The following MAD1L1 variants were observed in gnomAD, a reference collection of about 807,000 sequenced individuals.
The protein encoded by MAD1L1 is mitotic arrest deficient 1 like 1.
MAD1L1 carries 95 observed loss-of-function variants against 96.9 expected under a neutral mutation model. The ratio of observed to expected loss-of-function variants is 0.98; its 90% CI spans 0.83 to 1.16. The LOEUF (loss-of-function observed/expected upper bound fraction) is 1.16. MAD1L1 is among the 50% of genes most tolerant of loss of function. The pLI is 0.00. For synonymous variants in MAD1L1, 473 were observed against 396.6 expected (o/e 1.19, Z -2.29); for missense variants, 1,007 against 954.4 (o/e 1.06, Z -0.73).
rs1051704677 is a variant in MAD1L1 at position 1,968,900 on chromosome 7, G to A, written c.1506-11181C>T. Among the ~76,000 whole-genome samples, 3 of 152,238 alleles carry A rather than the reference G, an allele frequency of 2.0e-5. No homozygotes were observed. Among genetic ancestry groups the A allele is most frequent in the African/African-American group, 7.2e-5 (3 of 41,452 alleles). The stretch of plus-strand genomic sequence containing the variant: ...CACGGTGCCCTGGCTGCAACATGCA[G>A]GAAAGCCTGGTGGATCCAAACAAGG... On this transcript the variant is annotated intron_variant, in intron 15 of 18. Transcript: ENST00000265854. This position sits in a 1 kb window ranked among gnomAD's most constrained non-coding sequence, Gnocchi z 5.6.
chr7:1,818,299 T>G (rs1219818994), intron 18 of MAD1L1, among the ~76,000 whole-genome samples: 1 of 152,140 alleles, frequency 6.6e-6, no homozygotes, highest in African/African-American at 2.4e-5. Flanking sequence ...CTGGCCAGGC[T>G]GGACCAGAGA....
chr7:2,152,879 C>A (rs1382237983), intron 10 of MAD1L1, among the ~76,000 whole-genome samples: 2 of 152,166 alleles, frequency 1.3e-5, no homozygotes, highest in Non-Finnish European at 2.9e-5. Context: ...AGAGGACATG[C>A]ACCGTGGAGG....
At chr7:1,979,641 T>C (rs1299218173) in intron 15 of MAD1L1, among the ~76,000 whole-genome samples, 1 of 152,188 alleles carries the variant, frequency 6.6e-6, no homozygotes, top group South Asian at 2.1e-4. Context: ...CTGCAGACCC[T>C]GCTCTAGGGG....
chr7:1,974,601 G>A (rs1286179927), intron 15 of MAD1L1, among the ~76,000 whole-genome samples: 2 of 152,136 alleles, frequency 1.3e-5, no homozygotes, highest in African/African-American at 2.4e-5. Flanking sequence ...AATACAGAAG[G>A]TAGGACAAAA....
chr7:1,908,010 C>A (rs961129333), intron 17 of MAD1L1, among the ~76,000 whole-genome samples: 2 of 152,244 alleles, frequency 1.3e-5, no homozygotes, highest in South Asian at 2.1e-4. Flanking sequence ...GCCAGGGCCA[C>A]CCTGCAAGGG....
intron 15 of MAD1L1, among the ~76,000 whole-genome samples, chr7:1,974,797 A>G (rs1231923356): frequency 2.6e-5 from 4 of 152,392 alleles, no homozygotes; most frequent in African/African-American, 9.6e-5. Flanking sequence ...GGAGTGCCCA[A>G]TGCAGCGCAC....
At chr7:2,154,194 C>T (rs551231924) in intron 10 of MAD1L1, among the ~76,000 whole-genome samples, 4 of 152,220 alleles carry the variant, frequency 2.6e-5, no homozygotes, top group South Asian at 2.1e-4. Context: ...TTTGTAACAA[C>T]GTGGCTGGAA....
intron 11 of MAD1L1, among the ~76,000 whole-genome samples, chr7:2,129,591 A>T (rs1042082605): frequency 6.6e-6 from 1 of 152,224 alleles, no homozygotes; most frequent in African/African-American, 2.4e-5. Context: ...AGGAGAGAGC[A>T]CACACACGAT....
At chr7:2,176,637 C>G (rs1377115651) in intron 10 of MAD1L1, among the ~76,000 whole-genome samples, 2 of 151,958 alleles carry the variant, frequency 1.3e-5, no homozygotes, top group Non-Finnish European at 2.9e-5. Context: ...AGGACACTGT[C>G]AAAACACTAA....
At chr7:2,130,508 T>C (rs901605457) in intron 11 of MAD1L1, among the ~76,000 whole-genome samples, 2 of 152,138 alleles carry the variant, frequency 1.3e-5, no homozygotes, top group African/African-American at 2.4e-5. Context: ...CACATAGTCT[T>C]GGGCCTCTCT....
At chr7:2,060,920 A>G (rs1360007659) in intron 12 of MAD1L1, among the ~76,000 whole-genome samples, 1 of 152,270 alleles carries the variant, frequency 6.6e-6, no homozygotes, top group African/African-American at 2.4e-5. Flanking sequence ...GAACATCAAC[A>G]GAGAAATTCC....
intron 17 of MAD1L1, among the ~76,000 whole-genome samples, chr7:1,914,636 C>T (rs1350062372): frequency 6.6e-6 from 1 of 152,114 alleles, no homozygotes; most frequent in Non-Finnish European, 1.5e-5. Context: ...TTTTTTGAGA[C>T]GAGGTCTCAC....
At chr7:1,985,838 A>T (rs1028649803) in intron 14 of MAD1L1, among the ~76,000 whole-genome samples, 1 of 150,712 alleles carries the variant, frequency 6.6e-6, no homozygotes, top group African/African-American at 2.5e-5. Flanking sequence ...GTCCTGTCTC[A>T]TGCAACCCCC....
chr7:1,834,235 C>T (rs1353704892), intron 18 of MAD1L1, among the ~76,000 whole-genome samples: 1 of 151,952 alleles, frequency 6.6e-6, no homozygotes, highest in Admixed American at 6.6e-5. Context: ...AAGAAGGTCT[C>T]AAATCAGAGA....
intron 18 of MAD1L1, among the ~76,000 whole-genome samples, chr7:1,837,882 C>T (rs918307392): frequency 1.3e-5 from 2 of 152,218 alleles, no homozygotes; most frequent in African/African-American, 4.8e-5. Context: ...CAGATGGTAG[C>T]TCATCAATAA....
intron 18 of MAD1L1, among the ~76,000 whole-genome samples, chr7:1,871,510 G>GCC (rs1785096721): frequency 2.4e-5 from 1 of 41,548 alleles, no homozygotes; most frequent in African/African-American, 9.9e-5. Flanking sequence ...ACGCTGAACT[G>GCC]ACCATAACAC....
chr7:2,089,899 G>A (rs1025931613), intron 11 of MAD1L1, among the ~76,000 whole-genome samples: 2 of 152,222 alleles, frequency 1.3e-5, no homozygotes, highest in Non-Finnish European at 2.9e-5. Flanking sequence ...GATCAGAGTG[G>A]GCTGAAGGGC....
intron 14 of MAD1L1, among the ~76,000 whole-genome samples, chr7:1,983,301 T>A (rs960014920): frequency 1.3e-4 from 20 of 152,350 alleles, no homozygotes; most frequent in African/African-American, 3.8e-4. Context: ...ATCTGCGCTT[T>A]GAAGATCTGG....
chr7:1,836,882 G>A (rs1202731502), intron 18 of MAD1L1, among the ~76,000 whole-genome samples: 3 of 152,128 alleles, frequency 2.0e-5, no homozygotes, highest in Non-Finnish European at 4.4e-5. Context: ...AAAAAATGGA[G>A]GCAGTCTTTG....
Sources: gnomAD v4.1 joint callset for allele counts (sites outside exome capture counted in the v4.1 genomes callset) on GRCh38, gnomAD v4.1.1 for gene constraint, Gnocchi (gnomAD v3.1) non-coding constraint, MANE v1.5 for transcripts, NCBI Gene and HGNC (gene_info 2026-07-23, HGNC 2026-07-21) for gene names.